TMEM135: variants seen among roughly 807,000 people sequenced by gnomAD.
The protein encoded by TMEM135 is peroxisomal membrane protein 52.
Under a neutral mutation model 60.3 loss-of-function variants are expected in TMEM135, and 30 were observed. That is an observed-to-expected ratio of 0.50 (90% CI 0.37 to 0.68). The LOEUF (loss-of-function observed/expected upper bound fraction) is 0.68. Among genes scored for constraint, TMEM135 ranks in the 30% least tolerant of loss-of-function variants. The probability of loss-of-function intolerance (pLI) is 0.00; values close to 1 mark genes in which losing one functional copy is unlikely to be tolerated. For synonymous variants in TMEM135, 190 were observed against 186.7 expected (o/e 1.02, Z -0.14); for missense variants, 468 against 548.8 (o/e 0.85, Z 1.47).
chr11:87,232,519 T>C (rs879639412), intron 5 of TMEM135, among the ~76,000 whole-genome samples: 4 of 152,080 alleles, frequency 2.6e-5, no homozygotes, highest in African/African-American at 7.2e-5. Flanking sequence ...GTGACATTTG[T>C]AAACCACTGA....
chr11:87,145,635 A>G (rs907932175), intron 4 of TMEM135, among the ~76,000 whole-genome samples: 5 of 151,792 alleles, frequency 3.3e-5, no homozygotes, highest in Admixed American at 1.3e-4. Flanking sequence ...CAGGTGTGAG[A>G]TGATACATCA....
At chr11:87,249,990 A>G (rs641375) in intron 6 of TMEM135, among the ~76,000 whole-genome samples, 99,755 of 151,480 alleles carry the variant, frequency 0.66, 33,392 homozygotes, top group Non-Finnish European at 0.71. Context: ...TTTGTCTTTG[A>G]TCTATTCAGG....
At chr11:87,151,890 G>A (rs1172046149) in intron 4 of TMEM135, among the ~76,000 whole-genome samples, 1 of 152,176 alleles carries the variant, frequency 6.6e-6, no homozygotes, top group East Asian at 1.9e-4. Flanking sequence ...TATTAGTATA[G>A]TGTCTCACTT....
intron 1 of TMEM135, among the ~76,000 whole-genome samples, chr11:87,053,020 T>G (rs908926859): frequency 7.9e-6 from 1 of 126,548 alleles, no homozygotes; most frequent in Non-Finnish European, 1.6e-5. Flanking sequence ...TGTAGGGACA[T>G]GGATGAAATT....
At chr11:87,236,798 T>TC (rs1358417027) in intron 6 of TMEM135, 114 bp downstream of exon 6, 8 of 1,026,908 alleles carry the variant, frequency 7.8e-6, no homozygotes, top group East Asian at 2.5e-5. Flanking sequence ...AGCAGCATAC[T>TC]CCCCCCGCAC....
At chr11:87,092,072 G>C (rs1273738531) in intron 4 of TMEM135, among the ~76,000 whole-genome samples, 1 of 152,040 alleles carries the variant, frequency 6.6e-6, no homozygotes, top group Non-Finnish European at 1.5e-5. Flanking sequence ...ATTTACCTAA[G>C]GTTTAGTTCT....
intron 3 of TMEM135, among the ~76,000 whole-genome samples, chr11:87,074,790 C>T (rs1590998685): frequency 6.6e-6 from 1 of 152,180 alleles, no homozygotes; most frequent in East Asian, 1.9e-4. Flanking sequence ...TACAGAATTA[C>T]AACACTCTTA....
chr11:87,264,430 G>A (rs796854905), intron 6 of TMEM135, among the ~76,000 whole-genome samples: 2 of 151,536 alleles, frequency 1.3e-5, no homozygotes, highest in South Asian at 2.1e-4. Flanking sequence ...TGACAAGTAT[G>A]TAGATAAATG....
intron 5 of TMEM135, among the ~76,000 whole-genome samples, chr11:87,187,467 A>T (rs1939681034): frequency 6.6e-6 from 1 of 152,202 alleles, no homozygotes; most frequent in South Asian, 2.1e-4. Context: ...ATTGAACTCG[A>T]TATAACCCTC....
intron 3 of TMEM135, among the ~76,000 whole-genome samples, chr11:87,077,190 A>G (rs1338915471): frequency 6.6e-6 from 1 of 152,210 alleles, no homozygotes; most frequent in Admixed American, 6.5e-5. Context: ...TTTCATTTCT[A>G]TATTTATATC....
chr11:87,218,211 C>T (rs200796680), intron 5 of TMEM135, among the ~76,000 whole-genome samples: 1 of 152,084 alleles, frequency 6.6e-6, no homozygotes, highest in Non-Finnish European at 1.5e-5. Context: ...AATTTATCCA[C>T]CCCCAAATCT....
chr11:87,077,458 C>T (rs1477310719), intron 3 of TMEM135, among the ~76,000 whole-genome samples: 1 of 152,194 alleles, frequency 6.6e-6, no homozygotes, highest in Non-Finnish European at 1.5e-5. Flanking sequence ...TTTATCTCTC[C>T]ATTTAATTAG....
intron 8 of TMEM135, among the ~76,000 whole-genome samples, chr11:87,304,047 C>T (rs541578043): frequency 2.0e-5 from 3 of 152,198 alleles, no homozygotes; most frequent in East Asian, 3.9e-4. Context: ...ATTGACAGTA[C>T]GGTTGATATC....
intron 5 of TMEM135, among the ~76,000 whole-genome samples, chr11:87,189,703 A>G (rs1232822439): frequency 6.6e-6 from 1 of 151,386 alleles, no homozygotes; most frequent in Non-Finnish European, 1.5e-5. Flanking sequence ...AGGATGCTTG[A>G]GCCCAAGAGT....
chr11:87,122,710 C>T (rs945148185), intron 4 of TMEM135, among the ~76,000 whole-genome samples: 12 of 152,138 alleles, frequency 7.9e-5, no homozygotes, highest in African/African-American at 2.7e-4. Context: ...ACCCACCCGC[C>T]TTGGCCTCCC....
At chr11:87,269,145 T>C (rs561507710) in intron 6 of TMEM135, among the ~76,000 whole-genome samples, 96 of 151,596 alleles carry the variant, frequency 6.3e-4, no homozygotes, top group Non-Finnish European at 1.2e-3. Flanking sequence ...TTTTTTATTA[T>C]AGTCTTTTAA....
At position 87,328,101 on chromosome 11, in the gene TMEM135, G is replaced by A. The variant is rs1433888612; in HGVS notation, c.*6768G>A. 2.2e-6 allele frequency: 1 copy of A among 453,882 alleles called. No homozygotes were observed. Among genetic ancestry groups the A allele is most frequent in the Admixed American group, 2.4e-5 (1 of 42,538 alleles). The allele number at this position is 453,882 out of a possible 1,614,324, so 28.1% of individuals were successfully genotyped here. ...TTGATGCCTAAAATTAACCATCACA[G>A]GCTTTATGGCTCTATTACCCAAGAA... is the stretch of plus-strand genomic sequence containing the variant. On this transcript the variant is annotated 3_prime_UTR_variant, in exon 15 of 15. Coordinates refer to ENST00000305494, the MANE Select transcript of TMEM135 (RefSeq NM_022918.4).
At chr11:87,234,114 G>A (rs1235156519) in intron 5 of TMEM135, among the ~76,000 whole-genome samples, 1 of 151,744 alleles carries the variant, frequency 6.6e-6, no homozygotes, top group Non-Finnish European at 1.5e-5. Flanking sequence ...ATCCTTCCAG[G>A]GGCTCTATGC....
chr11:87,243,334 A>G (rs1199670470), intron 6 of TMEM135, among the ~76,000 whole-genome samples: 16 of 146,054 alleles, frequency 1.1e-4, no homozygotes, highest in African/African-American at 3.1e-4. Flanking sequence ...TTGGTGATGC[A>G]GGCTCTTTTT....
Sources: gnomAD v4.1 joint callset for allele counts (sites outside exome capture counted in the v4.1 genomes callset) on GRCh38, gnomAD v4.1.1 for gene constraint, MANE v1.5 for transcripts, NCBI Gene and HGNC (gene_info 2026-07-23, HGNC 2026-07-21) for gene names.